The following KCNJ8 variants were observed in gnomAD, a reference collection of about 807,000 sequenced individuals.
KCNJ8 encodes the protein ATP-sensitive inward rectifier potassium channel 8.
Under a neutral mutation model 28.2 loss-of-function variants are expected in KCNJ8, and 13 were observed. That is an observed-to-expected ratio of 0.46 (90% confidence interval 0.30 to 0.73). The LOEUF is 0.73. Ranked by LOEUF, KCNJ8 falls within the 30% of genes least tolerant of loss-of-function variation. KCNJ8 has a pLI of 0.07. For synonymous variants in KCNJ8, 188 were observed against 195.9 expected, an observed-to-expected ratio of 0.96 and a Z score of 0.34; for missense variants, 284 against 542.6, an observed-to-expected ratio of 0.52 and a Z score of 4.73.
rs1208268986 is a variant in KCNJ8 at position 21,774,238 on chromosome 12, T to C, written c.-71+308A>G. ...GGTGTGCTATAGAATTTATAAGTTATAAGAATTATTTTAAATGCGAAAGAA... is the reference window on the plus strand; with the variant it reads ...GGTGTGCTATAGAATTTATAAGTTACAAGAATTATTTTAAATGCGAAAGAA... On this transcript the variant is annotated intron_variant, in intron 1 of 2. Transcript: ENST00000240662. 3.3e-5 allele frequency among the ~76,000 whole-genome samples: 5 copies of C among 151,930 alleles called. No homozygotes were observed. In the South Asian group the frequency reaches 6.2e-4, roughly 19 times the overall value.
In KCNJ8 at chr12:21,774,330, C is replaced by CT. The variant is rs113701092; in HGVS notation, c.-71+215dup. Among the ~76,000 whole-genome samples the CT allele has an allele frequency of 0.1, 13,008 of 126,908 alleles. 752 individuals carry two copies. The highest frequency in any genetic ancestry group is 0.14 in the Non-Finnish European group (8,566 of 59,100). 83.3% of individuals were successfully genotyped at this position (126,908 alleles called of 152,430 possible). A position where few individuals can be genotyped will look rare whatever the true frequency, so the allele number is the denominator to read the frequency against. ...AAATCATAATATTATAAATTGAAAA[C>CT]TTTTTTTTTTTTTTTTTTTTACAAC... On this transcript the variant is annotated intron_variant, in intron 1 of 2. Coordinates refer to ENST00000240662, the MANE Select transcript of KCNJ8 (RefSeq NM_004982.4).
chr12:21,773,552 A>G lies in KCNJ8; in HGVS notation c.65T>C (p.Leu22Pro), dbSNP rs1380928202. The G allele has an allele frequency of 1.2e-6, 2 of 1,614,086 alleles. No homozygotes were observed. Among genetic ancestry groups the G allele is most frequent in the Non-Finnish European group, 1.7e-6 (2 of 1,180,048 alleles). The change falls in exon 2 of 3, where the codon CTG (leucine) becomes CCG (proline). Residue 22 changes from leucine (L) to proline (P), a missense_variant. Coordinates refer to ENST00000240662, the MANE Select transcript of KCNJ8 (RefSeq NM_004982.4). This position sits in a 1 kb window ranked among gnomAD's most constrained non-coding sequence, Gnocchi z 4.6. ...YVLARIAAENLRKPRIRDRLP... is the reference protein window; with the variant it reads ...YVLARIAAENPRKPRIRDRLP... Reference sequence around the variant, plus strand: ...GCGGTCTCGGATGCGCGGCTTGCGCAGGTTCTCTGCGGCGATGCGCGCCAG... The same window carrying G: ...GCGGTCTCGGATGCGCGGCTTGCGCGGGTTCTCTGCGGCGATGCGCGCCAG...
Position 21,773,714 on chromosome 12 carries a change from C to T in KCNJ8, c.-70-28G>A. 1 of 1,541,746 alleles carries T rather than the reference C, an allele frequency of 6.5e-7. No individual in the cohort carries two copies. Among genetic ancestry groups the T allele is most frequent in the South Asian group, 1.1e-5 (1 of 89,030 alleles). On this transcript the variant is annotated intron_variant, in intron 1 of 2. Transcript: ENST00000240662. The surrounding 1 kb of genome is among the most constrained non-coding windows in gnomAD (Gnocchi z 4.6). Reference sequence around the variant, plus strand: ...GCACGAGGGAAACATTTATTAAAAACTTAAAAACCCACCCTATCCTCACCT... The same window carrying T: ...GCACGAGGGAAACATTTATTAAAAATTTAAAAACCCACCCTATCCTCACCT...
chr12:21,772,933 C>T (rs1048894383), intron 2 of KCNJ8, among the ~76,000 whole-genome samples: 1 of 152,108 alleles, frequency 6.6e-6, no homozygotes, highest in African/African-American at 2.4e-5. Context: ...TCAATGTGTG[C>T]GCTTTTGGAG....
intron 2 of KCNJ8, among the ~76,000 whole-genome samples, chr12:21,769,407 C>G (rs941061755): frequency 1.3e-5 from 2 of 152,196 alleles, no homozygotes; most frequent in Non-Finnish European, 2.9e-5. Context: ...CCTAGTCACT[C>G]AAGTGCTCTG....
chr12:21,774,379 CG>C (rs201054602), intron 1 of KCNJ8, among the ~76,000 whole-genome samples, 166 bp downstream of exon 1: 3 of 136,692 alleles, frequency 2.2e-5, no homozygotes, highest in Admixed American at 1.5e-4. Flanking sequence ...ATACAAGGTG[CG>C]GGGGGGAAAA....
chr12:21,771,788 G>A (rs1940761621), intron 2 of KCNJ8, among the ~76,000 whole-genome samples: 1 of 151,978 alleles, frequency 6.6e-6, no homozygotes, highest in Non-Finnish European at 1.5e-5. Flanking sequence ...AATTATCAGT[G>A]CCAGTAAGTT....
At chr12:21,771,366 G>A (rs1940751176) in intron 2 of KCNJ8, among the ~76,000 whole-genome samples, 1 of 152,184 alleles carries the variant, frequency 6.6e-6, no homozygotes, top group African/African-American at 2.4e-5. Flanking sequence ...AAAGTGTTTA[G>A]CTGTTTCTTT....
Position 21,765,282 on chromosome 12 carries a change from G to T in KCNJ8, c.*441C>A, listed in dbSNP as rs868130392. 2 of 263,044 alleles carry T rather than the reference G, an allele frequency of 7.6e-6. No individual in the cohort carries two copies. The highest frequency in any genetic ancestry group is 1.0e-4 in the East Asian group (1 of 9,864). 16.3% of individuals were successfully genotyped at this position (263,044 alleles called of 1,614,324 possible). A position where few individuals can be genotyped will look rare whatever the true frequency, so the allele number is the denominator to read the frequency against. ...ACAGGAGAAGGCTGATGTACAAAAC[G>T]CATTAACATGATTTTGTTTTTTCCC... On this transcript the variant is annotated 3_prime_UTR_variant, in exon 3 of 3. Transcript: ENST00000240662.
rs1056062583 is a variant in KCNJ8 at position 21,766,741 on chromosome 12, T to C, written c.375-118A>G. 2.3e-6 allele frequency: 2 copies of C among 859,112 alleles called. No individual in the cohort carries two copies. Among genetic ancestry groups the C allele is most frequent in the Middle Eastern group, 2.9e-4 (1 of 3,468 alleles). The allele number at this position is 859,112 out of a possible 1,614,324, so 53.2% of individuals were successfully genotyped here. Reference sequence around the variant, plus strand: ...GACTATTAAATGCTTGCAGAAAGACTAGCCAACTTAAACTTGTAAAATGCC... The same window carrying C: ...GACTATTAAATGCTTGCAGAAAGACCAGCCAACTTAAACTTGTAAAATGCC... On this transcript the variant is annotated intron_variant, in intron 2 of 2. Coordinates refer to ENST00000240662, the MANE Select transcript of KCNJ8 (RefSeq NM_004982.4). This position sits in a 1 kb window ranked among gnomAD's most constrained non-coding sequence, Gnocchi z 6.5.
chr12:21,766,753 A>C lies in KCNJ8; in HGVS notation c.375-130T>G. On this transcript the variant is annotated intron_variant, in intron 2 of 2. Transcript: ENST00000240662. The surrounding 1 kb of genome is among the most constrained non-coding windows in gnomAD (Gnocchi z 6.5). ...CTTGCAGAAAGACTAGCCAACTTAA[A>C]CTTGTAAAATGCCTAATTCTAAACT... is the stretch of plus-strand genomic sequence containing the variant. 1.3e-6 allele frequency: 1 copy of C among 785,522 alleles called. No homozygotes were observed. Among genetic ancestry groups the C allele is most frequent in the Non-Finnish European group, 2.1e-6 (1 of 466,904 alleles). 48.7% of individuals were successfully genotyped at this position (785,522 alleles called of 1,614,324 possible).
intron 2 of KCNJ8, among the ~76,000 whole-genome samples, chr12:21,767,308 A>AAACC (rs1565659497): frequency 1.9e-5 from 1 of 53,722 alleles, no homozygotes; most frequent in Non-Finnish European, 3.4e-5. Context: ...GGGGTCCCCA[A>AAACC]CCCCCCCCCC....
rs768927826 is a variant in KCNJ8, at chr12:21,766,212, C to T, written c.786G>A (p.Val262=). Residue 262 remains valine, a synonymous_variant, in exon 3 of 3, where the codon GTG becomes GTA. Coordinates refer to ENST00000240662, the MANE Select transcript of KCNJ8 (RefSeq NM_004982.4). This position sits in a 1 kb window ranked among gnomAD's most constrained non-coding sequence, Gnocchi z 6.5. ...NPIESNNIFL[V]APLIICHVID... ...TCACGTGGCAGATGATCAAAGGGGC[C>T]ACCAGAAAAATGTTATTGCTCTCGA... is the stretch of plus-strand genomic sequence containing the variant. The T allele has an allele frequency of 1.2e-6, 2 of 1,613,898 alleles. No homozygotes were observed. The highest frequency in any genetic ancestry group is 2.7e-5 in the African/African-American group (2 of 74,880).
chr12:21,773,167 A>T lies in KCNJ8; in HGVS notation c.374+76T>A. ...TATTTCACTTTCAATTAAATAACAG[A>T]ATGATAAGAGAAAGGGCATTTTGAC... On this transcript the variant is annotated intron_variant, in intron 2 of 2. Coordinates refer to ENST00000240662, the MANE Select transcript of KCNJ8 (RefSeq NM_004982.4). The surrounding 1 kb of genome is among the most constrained non-coding windows in gnomAD (Gnocchi z 4.6). The T allele has an allele frequency of 1.3e-6, 2 of 1,489,554 alleles. No homozygotes were observed. The highest frequency in any genetic ancestry group is 1.9e-6 in the Non-Finnish European group (2 of 1,078,914). The allele number at this position is 1,489,554 out of a possible 1,614,324, so 92.3% of individuals were successfully genotyped here.
intron 2 of KCNJ8, among the ~76,000 whole-genome samples, chr12:21,767,753 T>A (rs1219241125): frequency 6.6e-6 from 1 of 152,232 alleles, no homozygotes; most frequent in Non-Finnish European, 1.5e-5. Context: ...TGCCTTATTT[T>A]ATTCTTCTCT....
intron 1 of KCNJ8, among the ~76,000 whole-genome samples, chr12:21,774,314 T>C (rs1423927103): frequency 6.6e-6 from 1 of 150,906 alleles, no homozygotes; most frequent in Non-Finnish European, 1.5e-5. Flanking sequence ...GAAATCATAA[T>C]ATTATAAATT....
chr12:21,773,347 CAT>C lies in KCNJ8; in HGVS notation c.268_269del (p.Met90ValfsTer33). The C allele has an allele frequency of 6.2e-7, 1 of 1,614,234 alleles. No individual in the cohort carries two copies. Among genetic ancestry groups the C allele is most frequent in the Non-Finnish European group, 8.5e-7 (1 of 1,180,044 alleles). Reference sequence around the variant, plus strand: ...CATGGGCAAAGGCCACCAGCCACCACATGATAGCGAAGAGCAGCCAGCTGCAG... The same window carrying C: ...CATGGGCAAAGGCCACCAGCCACCACGATAGCGAAGAGCAGCCAGCTGCAG... The part of the protein sequence containing the change: ...FLCSWLLFAI[M>X]WWLVAFAHGD... On this transcript the variant is annotated frameshift_variant, in exon 2 of 3. Coordinates refer to ENST00000240662, the MANE Select transcript of KCNJ8 (RefSeq NM_004982.4). LOFTEE classifies it high-confidence loss of function. This position sits in a 1 kb window ranked among gnomAD's most constrained non-coding sequence, Gnocchi z 4.6.
chr12:21,773,243 C>T lies in KCNJ8; in HGVS notation c.374G>A (p.Arg125Lys). 1 of 1,613,200 alleles carries T rather than the reference C, an allele frequency of 6.2e-7. No homozygotes were observed. The highest frequency in any genetic ancestry group is 1.1e-5 in the South Asian group (1 of 91,000). The change falls in exon 2 of 3, where the codon AGG becomes AAG. Residue 125 changes from arginine (R) to lysine (K), a missense_variant and splice_region_variant. Physicochemically the swap from Arg to Lys is conservative, Grantham distance 26. Coordinates refer to ENST00000240662, the MANE Select transcript of KCNJ8 (RefSeq NM_004982.4). The surrounding 1 kb of genome is among the most constrained non-coding windows in gnomAD (Gnocchi z 4.6). ...CTGCCTCATCCCACTACATTCTTAC[C>T]TGACATTAGTCACACACACAGTGGA... ...LESTVCVTNVRSFTSAFLFSI... is the reference protein window; with the variant it reads ...LESTVCVTNVKSFTSAFLFSI...
chr12:21,768,493 C>T (rs989642599), intron 2 of KCNJ8, among the ~76,000 whole-genome samples: 18 of 152,166 alleles, frequency 1.2e-4, no homozygotes, highest in African/African-American at 4.3e-4. Context: ...AATAGCCCTA[C>T]AAAGAACACT....
Sources: gnomAD v4.1 joint callset for allele counts (sites outside exome capture counted in the v4.1 genomes callset) on GRCh38, gnomAD v4.1.1 for gene constraint, Gnocchi (gnomAD v3.1) non-coding constraint, MANE v1.5 for transcripts, NCBI Gene and HGNC (gene_info 2026-07-23, HGNC 2026-07-21) for gene names.